The following ARHGEF7 variants were observed in gnomAD, a reference collection of about 807,000 sequenced individuals.
The protein encoded by ARHGEF7 is Rho guanine nucleotide exchange factor 7.
ARHGEF7 carries 33 observed loss-of-function variants against 109.8 expected under a neutral mutation model. That is an observed-to-expected ratio of 0.30 (90% CI 0.23 to 0.40). ARHGEF7 has a LOEUF of 0.40. Ranked by LOEUF, ARHGEF7 falls within the 10% of genes least tolerant of loss-of-function variation. The pLI, the probability that ARHGEF7 is intolerant of heterozygous loss-of-function variation, is 1.00. For synonymous variants in ARHGEF7, 458 were observed against 424.6 expected (o/e 1.08, Z -0.97); for missense variants, 938 against 1,098.5 (o/e 0.85, Z 2.07).
chr13:111,149,289 A>C (rs1452713127), intron 1 of ARHGEF7, among the ~76,000 whole-genome samples: 1 of 152,136 alleles, frequency 6.6e-6, no homozygotes, highest in African/African-American at 2.4e-5. Context: ...ACACTTCCAG[A>C]TAAAACTTTG....
chr13:111,276,053 C>T (rs2092459739), intron 12 of ARHGEF7: 2 of 230,400 alleles, frequency 8.7e-6, no homozygotes, highest in Non-Finnish European at 1.8e-5. Context: ...CTGCTGCTCT[C>T]AATGCTTTCG....
chr13:111,265,463 C>T (rs973361594), intron 8 of ARHGEF7: 2 of 410,508 alleles, frequency 4.9e-6, no homozygotes, highest in South Asian at 1.7e-5. Flanking sequence ...TGCTGATTCT[C>T]CTGACTATGA....
At chr13:111,154,044 C>T (rs2076092637) in intron 2 of ARHGEF7, 53 bp downstream of exon 2, 2 of 1,530,448 alleles carry the variant, frequency 1.3e-6, no homozygotes, top group Middle Eastern at 2.3e-4. Context: ...CGGGGTTGGG[C>T]CCGGGGTGGG....
In ARHGEF7 at chr13:111,288,414, G is replaced by C; in HGVS notation, c.2105G>C (p.Ser702Thr). 1 of 1,613,772 alleles carries C rather than the reference G, an allele frequency of 6.2e-7. No homozygotes were observed. Among genetic ancestry groups the C allele is most frequent in the Non-Finnish European group, 8.5e-7 (1 of 1,179,682 alleles). Residue 702 changes from serine to threonine, a missense_variant, in exon 18 of 22, where the codon AGC becomes ACC. Physicochemically the swap from Ser to Thr is moderately conservative, Grantham distance 58. This residue lies in a region of ARHGEF7 where 22 missense variants were observed against 81.9 expected (regional missense o/e 0.27). Coordinates refer to ENST00000646102, the MANE Select transcript of ARHGEF7 (RefSeq NM_001354046.2). ...AAAGTCATTGAAGCTTACTGCACCAGCGCCAAAACAAGGCAAACACTCAAT... is the reference window on the plus strand; with the variant it reads ...AAAGTCATTGAAGCTTACTGCACCACCGCCAAAACAAGGCAAACACTCAAT... ...ILKVIEAYCT[S>T]AKTRQTLNST...
In ARHGEF7 at chr13:111,115,627, C is replaced by A; in HGVS notation, c.101C>A (p.Ser34Ter). 1 of 1,401,544 alleles carries A rather than the reference C, an allele frequency of 7.1e-7. No homozygotes were observed. The allele number at this position is 1,401,544 out of a possible 1,614,324, so 86.8% of individuals were successfully genotyped here. Residue 34 changes from serine (S) to a stop codon, truncating the protein, a stop_gained, in exon 1 of 22, where the codon TCG becomes TAG. Coordinates refer to ENST00000646102, the MANE Select transcript of ARHGEF7 (RefSeq NM_001354046.2). LOFTEE classifies it high-confidence loss of function. ...GACCCGGAGGGCTTTCTGCAGGCGTCGCTGAAGGATGGGGTGGTCCTCTGC... is the reference window on the plus strand; with the variant it reads ...GACCCGGAGGGCTTTCTGCAGGCGTAGCTGAAGGATGGGGTGGTCCTCTGC... ...ISDPEGFLQA[S>*]LKDGVVLCRL...
chr13:111,208,783 AG>A, intron 3 of ARHGEF7, among the ~76,000 whole-genome samples: 1 of 152,116 alleles, frequency 6.6e-6, no homozygotes, highest in East Asian at 1.9e-4. Context: ...TGACCTGAGA[AG>A]AATTTAAGAT....
intron 1 of ARHGEF7, among the ~76,000 whole-genome samples, chr13:111,132,629 T>C (rs1024252591): frequency 2.0e-5 from 3 of 152,214 alleles, no homozygotes; most frequent in African/African-American, 7.2e-5. Context: ...CACAGTGTAT[T>C]ACATATCATG....
At chr13:111,232,444 T>C (rs545216529) in intron 5 of ARHGEF7, among the ~76,000 whole-genome samples, 34 of 152,198 alleles carry the variant, frequency 2.2e-4, no homozygotes, top group Admixed American at 8.5e-4. Context: ...CGTAGAACCA[T>C]TGGTAGACAG....
rs886781080 is a variant in ARHGEF7 at position 111,303,142 on chromosome 13, A to G, written c.*29A>G. ...ATGTCCTCAGTTCTTTCTGTTGAAG[A>G]CCAGTTCTGAGGTGAAGCTGGGCAC... is the stretch of plus-strand genomic sequence containing the variant. On this transcript the variant is annotated 3_prime_UTR_variant, in exon 22 of 22. Coordinates refer to ENST00000646102, the MANE Select transcript of ARHGEF7 (RefSeq NM_001354046.2). 1 of 1,579,812 alleles carries G rather than the reference A, an allele frequency of 6.3e-7. No homozygotes were observed. The highest frequency in any genetic ancestry group is 8.6e-7 in the Non-Finnish European group (1 of 1,160,622).
intron 1 of ARHGEF7, among the ~76,000 whole-genome samples, chr13:111,133,273 C>T (rs1184724313): frequency 2.0e-5 from 3 of 151,908 alleles, no homozygotes; most frequent in South Asian, 2.1e-4. Context: ...TATATACACA[C>T]CTCTATATGC....
Position 111,258,749 on chromosome 13 carries a change from T to G in ARHGEF7, c.951-8799T>G, listed in dbSNP as rs2090747887. On this transcript the variant is annotated intron_variant, in intron 8 of 21. Coordinates refer to ENST00000646102, the MANE Select transcript of ARHGEF7 (RefSeq NM_001354046.2). This position sits in a 1 kb window ranked among gnomAD's most constrained non-coding sequence, Gnocchi z 4.4. ...AGCGTAGGTATCTGCCCAGCCACAG[T>G]GAGGTGGAACATCAAGTGGGCTCTT... is the stretch of plus-strand genomic sequence containing the variant. Among the ~76,000 whole-genome samples, 1 of 152,058 alleles carries G rather than the reference T, an allele frequency of 6.6e-6. No individual in the cohort carries two copies. Among genetic ancestry groups the G allele is most frequent in the Non-Finnish European group, 1.5e-5 (1 of 68,016 alleles).
rs2093633912 is a variant in ARHGEF7, at chr13:111,305,585, C to T, written c.*2472C>T. On this transcript the variant is annotated 3_prime_UTR_variant, in exon 22 of 22. Coordinates refer to ENST00000646102, the MANE Select transcript of ARHGEF7 (RefSeq NM_001354046.2). ...GTGGACTCCTTAATGCCAATCATTTCTTCACTTCTCTGGGACACCCAGGGC... is the reference window on the plus strand; with the variant it reads ...GTGGACTCCTTAATGCCAATCATTTTTTCACTTCTCTGGGACACCCAGGGC... 6.6e-6 allele frequency: 1 copy of T among 152,248 alleles called. No individual in the cohort carries two copies. The highest frequency in any genetic ancestry group is 1.9e-4 in the East Asian group (1 of 5,202). The allele number at this position is 152,248 out of a possible 1,614,324, so 9.4% of individuals were successfully genotyped here. A position where few individuals can be genotyped will look rare whatever the true frequency, so the allele number is the denominator to read the frequency against.
chr13:111,160,974 T>C (rs569169971), intron 2 of ARHGEF7, among the ~76,000 whole-genome samples: 1 of 152,212 alleles, frequency 6.6e-6, no homozygotes, highest in Non-Finnish European at 1.5e-5. Flanking sequence ...CTAATGTACA[T>C]GCCAAACCTG....
At position 111,131,594 on chromosome 13, in the gene ARHGEF7, G is replaced by A. The variant is rs1295594757; in HGVS notation, c.165+15903G>A. Among the ~76,000 whole-genome samples the A allele has an allele frequency of 6.6e-6, 1 of 152,218 alleles. No individual in the cohort carries two copies. The highest frequency in any genetic ancestry group is 1.5e-5 in the Non-Finnish European group (1 of 68,048). On this transcript the variant is annotated intron_variant, in intron 1 of 21. Transcript: ENST00000646102. The surrounding 1 kb of genome is among the most constrained non-coding windows in gnomAD (Gnocchi z 4.4). Reference sequence around the variant, plus strand: ...GCCAAGGGCCAGCCTTGGGAAGGGTGGAGATGAATAACCAGGTGGTGCTGA... The same window carrying A: ...GCCAAGGGCCAGCCTTGGGAAGGGTAGAGATGAATAACCAGGTGGTGCTGA...
chr13:111,300,462 C>T (rs2093538768), intron 19 of ARHGEF7, among the ~76,000 whole-genome samples: 1 of 152,180 alleles, frequency 6.6e-6, no homozygotes, highest in African/African-American at 2.4e-5. Flanking sequence ...CCTTTAACTT[C>T]CTCCCTGTTG....
At chr13:111,232,759 G>T (rs1015840186) in intron 5 of ARHGEF7, among the ~76,000 whole-genome samples, 4 of 152,142 alleles carry the variant, frequency 2.6e-5, no homozygotes, top group African/African-American at 9.7e-5. Flanking sequence ...CCCTGAGCCA[G>T]ATCTTGCTTG....
At chr13:111,189,467 C>T (rs1453312093) in intron 2 of ARHGEF7, among the ~76,000 whole-genome samples, 1 of 152,094 alleles carries the variant, frequency 6.6e-6, no homozygotes, top group African/African-American at 2.4e-5. Context: ...GATTCTTCCT[C>T]AGAGTAGGTT....
intron 12 of ARHGEF7, 74 bp from the exon 13 acceptor site, chr13:111,277,513 G>A: frequency 1.1e-6 from 1 of 903,002 alleles, no homozygotes; most frequent in Non-Finnish European, 1.8e-6. Flanking sequence ...GTATAAATAA[G>A]TGAAGTATTT....
chr13:111,217,952 T>G (rs1320983668), intron 5 of ARHGEF7, 72 bp downstream of exon 5: 2 of 1,413,718 alleles, frequency 1.4e-6, no homozygotes, highest in African/African-American at 2.9e-5. Context: ...CTTGACATAG[T>G]GTTTACTCTC....
Sources: allele counts gnomAD v4.1 joint callset (sites outside exome capture counted in the v4.1 genomes callset), GRCh38; gene constraint gnomAD v4.1.1; regional missense constraint gnomAD v4.1.1; non-coding constraint Gnocchi (gnomAD v3.1); transcripts MANE v1.5; gene names NCBI Gene and HGNC (gene_info 2026-07-23, HGNC 2026-07-21).